Variants in AKAP7 observed in about 807,000 individuals in gnomAD.
AKAP7 encodes A-kinase anchoring protein 7.
A neutral mutation model predicts 39.5 loss-of-function variants in AKAP7; 39 were observed. The ratio of observed to expected loss-of-function variants is 0.99; its 90% confidence interval spans 0.76 to 1.29. The LOEUF is 1.29. AKAP7 is among the 50% of genes most tolerant of loss of function. AKAP7 has a pLI of 0.00. For synonymous variants in AKAP7, 140 were observed against 139.1 expected (o/e 1.01, Z -0.05); for missense variants, 414 against 407.7 (o/e 1.02, Z -0.13).
intron 6 of AKAP7, among the ~76,000 whole-genome samples, chr6:131,203,897 C>G (rs1247911265): frequency 6.6e-6 from 1 of 151,958 alleles, no homozygotes; most frequent in African/African-American, 2.4e-5. Flanking sequence ...GTGGATATGC[C>G]AGTATTTCAA....
intron 7 of AKAP7, among the ~76,000 whole-genome samples, chr6:131,220,038 A>G (rs879452709): frequency 9.2e-5 from 14 of 152,222 alleles, no homozygotes; most frequent in Non-Finnish European, 1.9e-4. Context: ...GGCTTTAAAT[A>G]TAATTATAAT....
intron 6 of AKAP7, among the ~76,000 whole-genome samples, chr6:131,207,032 C>T (rs958810454): frequency 5.9e-5 from 9 of 152,242 alleles, no homozygotes; most frequent in Middle Eastern, 3.4e-3. Context: ...TAACCTCTCT[C>T]GATCTCTGTT....
intron 3 of AKAP7, among the ~76,000 whole-genome samples, chr6:131,161,840 G>T (rs539125511): frequency 6.6e-6 from 1 of 152,132 alleles, no homozygotes; most frequent in South Asian, 2.1e-4. Flanking sequence ...GGAGTGAAAG[G>T]TGCTGCTGCT....
At chr6:131,182,267 C>A (rs986493746) in intron 5 of AKAP7, among the ~76,000 whole-genome samples, 2 of 152,082 alleles carry the variant, frequency 1.3e-5, no homozygotes, top group Admixed American at 1.3e-4. Context: ...TTTATTCTTG[C>A]AAAATGGAAA....
chr6:131,254,545 C>T (rs1285075988), intron 7 of AKAP7, among the ~76,000 whole-genome samples: 2 of 152,192 alleles, frequency 1.3e-5, no homozygotes, highest in African/African-American at 4.8e-5. Flanking sequence ...TGCTGATTTT[C>T]CCATTTTGAA....
At chr6:131,140,017 G>A (rs554961530) in intron 1 of AKAP7, among the ~76,000 whole-genome samples, 1 of 152,304 alleles carries the variant, frequency 6.6e-6, no homozygotes, top group East Asian at 1.9e-4. Context: ...TTCCCTGACG[G>A]TAGAGGTCTG....
chr6:131,171,573 G>C (rs920842818), intron 5 of AKAP7, among the ~76,000 whole-genome samples: 1 of 152,104 alleles, frequency 6.6e-6, no homozygotes, highest in African/African-American at 2.4e-5. Context: ...GGCATGAGGA[G>C]AGCGGTGAAA....
In AKAP7 at chr6:131,138,633, T is replaced by C. The variant is rs542732312; in HGVS notation, c.19+2851T>C. On this transcript the variant is annotated intron_variant, in intron 1 of 7. Coordinates refer to ENST00000431975, the MANE Select transcript of AKAP7 (RefSeq NM_016377.4). ...GTCAGTGTATAATAAGGTGGCAGTGTGTGGTGCCAGAAAGGGCATAATGGT... is the reference window on the plus strand; with the variant it reads ...GTCAGTGTATAATAAGGTGGCAGTGCGTGGTGCCAGAAAGGGCATAATGGT... Among the ~76,000 whole-genome samples, 3 of 152,318 alleles carry C rather than the reference T, an allele frequency of 2.0e-5. No individual in the cohort carries two copies. In the East Asian group the frequency reaches 5.8e-4, roughly 29 times the overall value.
intron 5 of AKAP7, among the ~76,000 whole-genome samples, chr6:131,190,575 G>GT (rs1462001269): frequency 6.6e-6 from 1 of 151,838 alleles, no homozygotes; most frequent in Non-Finnish European, 1.5e-5. Flanking sequence ...TTGGGAGGTG[G>GT]TGGAGGTTGC....
At chr6:131,153,952 G>A (rs1409829617) in intron 2 of AKAP7, among the ~76,000 whole-genome samples, 1 of 152,136 alleles carries the variant, frequency 6.6e-6, no homozygotes, top group Non-Finnish European at 1.5e-5. Flanking sequence ...GCTCACACCT[G>A]TAATCCCAGC....
In AKAP7 at chr6:131,281,525, T is replaced by A; in HGVS notation, c.851-5T>A. The A allele has an allele frequency of 6.3e-7, 1 of 1,599,642 alleles. No homozygotes were observed. Among genetic ancestry groups the A allele is most frequent in the South Asian group, 1.1e-5 (1 of 88,870 alleles). ...GTGACCTCTCTTCTCTATTGTGGAA[T>A]GTAGGTGAAAAGAACGGAGGGGAGC... On this transcript the variant is annotated splice_region_variant and splice_polypyrimidine_tract_variant and intron_variant, in intron 7 of 7. Coordinates refer to ENST00000431975, the MANE Select transcript of AKAP7 (RefSeq NM_016377.4). This position sits in a 1 kb window ranked among gnomAD's most constrained non-coding sequence, Gnocchi z 4.0.
At chr6:131,132,199 T>C (rs960401871), upstream of AKAP7, among the ~76,000 whole-genome samples, 2 of 151,652 alleles carry the variant, frequency 1.3e-5, no homozygotes, top group South Asian at 2.1e-4. Flanking sequence ...TGTGGTCCCA[T>C]CTACTCGGGA....
At chr6:131,206,943 A>C (rs1405224604) in intron 6 of AKAP7, among the ~76,000 whole-genome samples, 3 of 152,262 alleles carry the variant, frequency 2.0e-5, no homozygotes, top group African/African-American at 7.2e-5. Flanking sequence ...ATTCCTTCTT[A>C]AAGGAATCCC....
At position 131,281,436 on chromosome 6, in the gene AKAP7, C is replaced by T. The variant is rs935439666; in HGVS notation, c.851-94C>T. The T allele has an allele frequency of 9.9e-7, 1 of 1,011,822 alleles. No homozygotes were observed. Among genetic ancestry groups the T allele is most frequent in the Non-Finnish European group, 1.4e-6 (1 of 711,348 alleles). 62.7% of individuals were successfully genotyped at this position (1,011,822 alleles called of 1,614,324 possible). The stretch of plus-strand genomic sequence containing the variant: ...AATTTATAGATCCAATTTACACTTG[C>T]TCTTTTTAACCAATGGAACTAGCCG... On this transcript the variant is annotated intron_variant, in intron 7 of 7. Coordinates refer to ENST00000431975, the MANE Select transcript of AKAP7 (RefSeq NM_016377.4). This position sits in a 1 kb window ranked among gnomAD's most constrained non-coding sequence, Gnocchi z 4.0.
intron 7 of AKAP7, among the ~76,000 whole-genome samples, chr6:131,267,030 A>G (rs1813858641): frequency 6.6e-6 from 1 of 151,448 alleles, no homozygotes; most frequent in Non-Finnish European, 1.5e-5. Flanking sequence ...AATTAGAAAA[A>G]TTCACAGGGT....
chr6:131,154,740 T>C (rs1004094464), intron 2 of AKAP7, among the ~76,000 whole-genome samples: 2 of 152,160 alleles, frequency 1.3e-5, no homozygotes, highest in Admixed American at 6.5e-5. Flanking sequence ...TCTCTGATTA[T>C]GTCATAATTT....
At chr6:131,225,365 G>C (rs1810073208) in intron 7 of AKAP7, among the ~76,000 whole-genome samples, 1 of 152,102 alleles carries the variant, frequency 6.6e-6, no homozygotes, top group Non-Finnish European at 1.5e-5. Flanking sequence ...ACTGAGTTAG[G>C]AACTGGCAAC....
rs927879267 is a variant in AKAP7, at chr6:131,135,628, G to C, written c.-136G>C. ...CCCCCGCAGCCTGTCGCTGGACCCC[G>C]CGCCGGCCCAGCGCACCGCCCTCAG... On this transcript the variant is annotated 5_prime_UTR_variant, in exon 1 of 8. Coordinates refer to ENST00000431975, the MANE Select transcript of AKAP7 (RefSeq NM_016377.4). 5 of 787,620 alleles carry C rather than the reference G, an allele frequency of 6.3e-6. No individual in the cohort carries two copies. The highest frequency in any genetic ancestry group is 7.7e-6 in the Non-Finnish European group (5 of 646,746). 48.8% of individuals were successfully genotyped at this position (787,620 alleles called of 1,614,324 possible). A position where few individuals can be genotyped will look rare whatever the true frequency, so the allele number is the denominator to read the frequency against.
intron 7 of AKAP7, chr6:131,250,225 C>A: frequency 9.7e-7 from 1 of 1,029,938 alleles, no homozygotes; most frequent in Non-Finnish European, 1.2e-6. Context: ...TTCTTAAAGA[C>A]ATATGCAAAT....
Sources: gnomAD v4.1 joint callset for allele counts (sites outside exome capture counted in the v4.1 genomes callset) on GRCh38, gnomAD v4.1.1 for gene constraint, Gnocchi (gnomAD v3.1) non-coding constraint, MANE v1.5 for transcripts, NCBI Gene and HGNC (gene_info 2026-07-23, HGNC 2026-07-21) for gene names.